Variants in ESR1 observed in about 807,000 individuals in gnomAD.
ESR1 encodes estrogen receptor 1, also known as estrogen receptor.
Under a neutral mutation model 52.7 loss-of-function variants are expected in ESR1, and 12 were observed. That is an observed-to-expected ratio of 0.23 (90% CI 0.15 to 0.37). The LOEUF (loss-of-function observed/expected upper bound fraction) is 0.37, where lower values mean the gene tolerates loss of function less well. ESR1 is among the 10% of genes least tolerant of loss of function. The pLI, the probability that ESR1 is intolerant of heterozygous loss-of-function variation, is 1.00. For synonymous variants in ESR1, 305 were observed against 316.8 expected, an observed-to-expected ratio of 0.96 and a Z score of 0.39; for missense variants, 584 against 779.7, an observed-to-expected ratio of 0.75 and a Z score of 2.99.
intron 4 of ESR1, among the ~76,000 whole-genome samples, chr6:151,998,238 G>A (rs2041661134): frequency 6.6e-6 from 1 of 152,010 alleles, no homozygotes; most frequent in South Asian, 2.1e-4. Context: ...TGGCAGTGGG[G>A]GGTATTAAAT....
At chr6:151,678,422 G>A (rs1262157768) in intron 1 of ESR1, among the ~76,000 whole-genome samples, 2 of 151,494 alleles carry the variant, frequency 1.3e-5, no homozygotes, top group African/African-American at 4.9e-5. Flanking sequence ...GCACTCAACC[G>A]AGATTGTGCC....
At chr6:152,083,544 G>A (rs2129013216) in intron 6 of ESR1, among the ~76,000 whole-genome samples, 1 of 152,228 alleles carries the variant, frequency 6.6e-6, no homozygotes, top group African/African-American at 2.4e-5. Flanking sequence ...CATAGGCATG[G>A]GCAAAGACTT....
At chr6:151,768,786 C>T (rs1458876259) in intron 2 of ESR1, among the ~76,000 whole-genome samples, 2 of 152,138 alleles carry the variant, frequency 1.3e-5, no homozygotes, top group African/African-American at 2.4e-5. Flanking sequence ...ATTTTCTCAA[C>T]CTTTCCTTTA....
chr6:151,945,889 C>A (rs2035644126), intron 4 of ESR1, among the ~76,000 whole-genome samples: 1 of 152,136 alleles, frequency 6.6e-6, no homozygotes, highest in African/African-American at 2.4e-5. Context: ...AGAACCCAGC[C>A]TTGTTAGAGG....
intron 5 of ESR1, among the ~76,000 whole-genome samples, chr6:152,025,049 C>T (rs916321850): frequency 2.5e-5 from 3 of 121,602 alleles, no homozygotes; most frequent in Non-Finnish European, 4.9e-5. Context: ...GGCACCATTT[C>T]CTTATTCTTG....
intron 2 of ESR1, among the ~76,000 whole-genome samples, chr6:151,736,375 G>GTTCT (rs748276035): frequency 1.8e-5 from 2 of 112,742 alleles, no homozygotes; most frequent in African/African-American, 7.6e-5. Context: ...TCCAGGTAGT[G>GTTCT]TTTTTTTTTT....
At chr6:151,783,909 A>G (rs1476444055) in intron 2 of ESR1, among the ~76,000 whole-genome samples, 1 of 152,156 alleles carries the variant, frequency 6.6e-6, no homozygotes, top group Non-Finnish European at 1.5e-5. Flanking sequence ...CGTTTTGTAG[A>G]ATGTACCTCA....
intron 2 of ESR1, among the ~76,000 whole-genome samples, chr6:151,779,037 G>A (rs1033901262): frequency 3.0e-4 from 46 of 151,988 alleles, no homozygotes; most frequent in Admixed American, 2.4e-3. Flanking sequence ...CTCCCATTCT[G>A]TAGGTTGCCT....
rs9478259 is a variant in ESR1 at position 151,956,881 on chromosome 6, A to T, written c.1096+12373A>T. ...ATATATAAATATATATATATATATA[A>T]AATTTTTTTTTTTGAGATGGAGTCT... On this transcript the variant is annotated intron_variant, in intron 4 of 7. Coordinates refer to ENST00000206249, the MANE Select transcript of ESR1 (RefSeq NM_000125.4). 9.1e-3 allele frequency among the ~76,000 whole-genome samples: 279 copies of T among 30,732 alleles called. 2 individuals carry two copies. Among genetic ancestry groups the T allele is most frequent in the Admixed American group, 0.039 (113 of 2,922 alleles). 20.2% of individuals were successfully genotyped at this position (30,732 alleles called of 152,430 possible).
At chr6:151,993,595 C>T (rs2041224177) in intron 4 of ESR1, among the ~76,000 whole-genome samples, 1 of 152,220 alleles carries the variant, frequency 6.6e-6, no homozygotes, top group South Asian at 2.1e-4. Flanking sequence ...CCGCTCTTCT[C>T]AAGTTCTCTG....
intron 1 of ESR1, among the ~76,000 whole-genome samples, chr6:151,826,496 T>C (rs1583499494): frequency 1.3e-5 from 2 of 152,358 alleles, no homozygotes; most frequent in African/African-American, 2.4e-5. Context: ...AAAGGGCAGC[T>C]TTCCTACTGG....
intron 2 of ESR1, among the ~76,000 whole-genome samples, chr6:151,753,683 A>G (rs554233690): frequency 6.6e-6 from 1 of 152,322 alleles, no homozygotes; most frequent in Admixed American, 6.5e-5. Flanking sequence ...ATATTGCCGT[A>G]GTGTTTCTAT....
chr6:151,957,183 T>C (rs3003920), intron 4 of ESR1, among the ~76,000 whole-genome samples: 109,158 of 151,862 alleles, frequency 0.72, 40,205 homozygotes, highest in Middle Eastern at 0.85. Context: ...GACCCACATG[T>C]CTGTATATTA....
intron 2 of ESR1, among the ~76,000 whole-genome samples, chr6:151,849,275 T>C (rs2128246473): frequency 6.6e-6 from 1 of 152,326 alleles, no homozygotes; most frequent in South Asian, 2.1e-4. Flanking sequence ...TCAGCATTGT[T>C]TGTTGCTATA....
chr6:152,029,994 C>T (rs2044533989), intron 5 of ESR1, among the ~76,000 whole-genome samples: 1 of 152,202 alleles, frequency 6.6e-6, no homozygotes, highest in South Asian at 2.1e-4. Flanking sequence ...ATTACACATT[C>T]TTAAAGAAAA....
At chr6:151,727,971 T>A (rs1781965499) in intron 2 of ESR1, among the ~76,000 whole-genome samples, 1 of 152,198 alleles carries the variant, frequency 6.6e-6, no homozygotes, top group Non-Finnish European at 1.5e-5. Flanking sequence ...AGGCAGTTCT[T>A]CATAGCAGCG....
chr6:152,038,913 C>T (rs1211517544), intron 5 of ESR1, among the ~76,000 whole-genome samples: 1 of 152,154 alleles, frequency 6.6e-6, no homozygotes, highest in Non-Finnish European at 1.5e-5. Context: ...CAAAGTGATC[C>T]ACCCACCTTG....
chr6:151,970,103 A>G (rs1484847853), intron 4 of ESR1, among the ~76,000 whole-genome samples: 2 of 151,872 alleles, frequency 1.3e-5, no homozygotes, highest in African/African-American at 4.8e-5. Flanking sequence ...GGCCCTTACC[A>G]TGGCTCTGAT....
intron 1 of ESR1, among the ~76,000 whole-genome samples, chr6:151,684,891 G>A (rs1478988196): frequency 6.6e-6 from 1 of 152,050 alleles, no homozygotes; most frequent in Admixed American, 6.5e-5. Context: ...CATTGCAAAC[G>A]GGAAGCCTCA....
Sources: allele counts gnomAD v4.1 joint callset (sites outside exome capture counted in the v4.1 genomes callset), GRCh38; gene constraint gnomAD v4.1.1; transcripts MANE v1.5; gene names NCBI Gene and HGNC (gene_info 2026-07-23, HGNC 2026-07-21).